CDH12: variants seen among roughly 807,000 people sequenced by gnomAD.
CDH12 encodes the protein cadherin-12.
A neutral mutation model predicts 74.1 loss-of-function variants in CDH12; 41 were observed. The observed-to-expected ratio is 0.55, with a 90% CI of 0.43 to 0.72. The LOEUF is 0.72. Among genes scored for constraint, CDH12 ranks in the 30% least tolerant of loss-of-function variants. The pLI, the probability that CDH12 is intolerant of heterozygous loss-of-function variation, is 0.00. For synonymous variants in CDH12, 399 were observed against 355.0 expected, an observed-to-expected ratio of 1.12 and a Z score of -1.39; for missense variants, 945 against 977.2, an observed-to-expected ratio of 0.97 and a Z score of 0.44.
intron 2 of CDH12, among the ~76,000 whole-genome samples, chr5:22,499,622 A>T (rs1747252697): frequency 6.6e-6 from 1 of 152,204 alleles, no homozygotes; most frequent in Non-Finnish European, 1.5e-5. Context: ...GCAGAAAAAG[A>T]TATTTGAACT....
chr5:22,833,378 CACCTGTTTTGTG>C (rs1736700853), intron 1 of CDH12, among the ~76,000 whole-genome samples: 1 of 152,148 alleles, frequency 6.6e-6, no homozygotes, highest in Admixed American at 6.5e-5. Flanking sequence ...GCCTTACAGC[CACCTGTTTTGTG>C]AAATCACCAA....
At chr5:22,408,927 T>G (rs141239548) in intron 2 of CDH12, among the ~76,000 whole-genome samples, 78 of 152,114 alleles carry the variant, frequency 5.1e-4, no homozygotes, top group Non-Finnish European at 1.1e-3. Context: ...TCTGAATATT[T>G]CCTATCAGTA....
intron 1 of CDH12, among the ~76,000 whole-genome samples, chr5:22,684,441 T>G (rs540789901): frequency 1.4e-3 from 215 of 152,288 alleles, no homozygotes; most frequent in Middle Eastern, 0.01. Context: ...AAAGAAATAT[T>G]TGTGAGTTAA....
intron 4 of CDH12, among the ~76,000 whole-genome samples, chr5:22,081,416 TTG>T (rs539344563): frequency 1.0e-3 from 156 of 152,312 alleles, no homozygotes; most frequent in African/African-American, 3.5e-3. Flanking sequence ...CTTAAATTTT[TTG>T]TTTCTTCCAT....
intron 1 of CDH12, among the ~76,000 whole-genome samples, chr5:22,838,651 C>CTG (rs369033220): frequency 0.24 from 34,527 of 143,524 alleles, 3,960 homozygotes; most frequent in Non-Finnish European, 0.25. Flanking sequence ...GTGAGAGTGT[C>CTG]TGTGTGTGTG....
intron 6 of CDH12, chr5:21,884,359 C>A (rs1245521954): frequency 1.0e-6 from 1 of 989,436 alleles, no homozygotes; most frequent in Admixed American, 1.7e-5. Flanking sequence ...TGACAGGAAG[C>A]CCAAGGCAGT....
At chr5:22,720,830 G>A (rs1308063857) in intron 1 of CDH12, among the ~76,000 whole-genome samples, 1 of 152,220 alleles carries the variant, frequency 6.6e-6, no homozygotes, top group Non-Finnish European at 1.5e-5. Flanking sequence ...AAAGAGACTG[G>A]TGGCATTTTG....
chr5:21,870,337 T>A (rs775793927), intron 6 of CDH12, among the ~76,000 whole-genome samples: 3 of 152,158 alleles, frequency 2.0e-5, no homozygotes, highest in Non-Finnish European at 4.4e-5. Context: ...GTCAGTGGAC[T>A]GAGTGAGGAA....
intron 1 of CDH12, among the ~76,000 whole-genome samples, chr5:22,607,784 G>T (rs1349203398): frequency 1.3e-5 from 2 of 152,234 alleles, no homozygotes; most frequent in African/African-American, 4.8e-5. Context: ...ATGGCTCAAA[G>T]AGGCCAACGT....
chr5:22,534,478 A>G (rs1343522682), intron 1 of CDH12, among the ~76,000 whole-genome samples: 1 of 152,082 alleles, frequency 6.6e-6, no homozygotes, highest in East Asian at 1.9e-4. Flanking sequence ...GAGTTTCTTC[A>G]CTTTGAATAA....
chr5:22,038,903 C>T (rs945862272), intron 5 of CDH12, among the ~76,000 whole-genome samples: 2 of 152,164 alleles, frequency 1.3e-5, no homozygotes, highest in African/African-American at 4.8e-5. Flanking sequence ...CCAAATGGTG[C>T]TAGTACTCTG....
intron 1 of CDH12, among the ~76,000 whole-genome samples, chr5:22,828,393 G>A (rs1293705629): frequency 3.3e-5 from 5 of 152,038 alleles, no homozygotes. Context: ...AATTTGATAG[G>A]CATTACTTTA....
intron 2 of CDH12, among the ~76,000 whole-genome samples, chr5:22,423,227 A>G (rs891117320): frequency 1.4e-5 from 2 of 147,942 alleles, no homozygotes; most frequent in African/African-American, 4.9e-5. Flanking sequence ...AAAAAAAGCA[A>G]ATAATACCCT....
intron 2 of CDH12, among the ~76,000 whole-genome samples, chr5:22,459,043 T>C (rs1157402813): frequency 6.6e-6 from 1 of 152,134 alleles, no homozygotes; most frequent in Non-Finnish European, 1.5e-5. Context: ...CTGTACGAGG[T>C]TAAACTGTAC....
At chr5:22,122,555 G>GTACAA (rs746597433) in intron 4 of CDH12, among the ~76,000 whole-genome samples, 13 of 151,736 alleles carry the variant, frequency 8.6e-5, no homozygotes, top group Non-Finnish European at 1.8e-4. Context: ...TTTCCTCGTA[G>GTACAA]TACACAGTGT....
At chr5:22,415,723 T>C (rs1401022629) in intron 2 of CDH12, among the ~76,000 whole-genome samples, 2 of 152,190 alleles carry the variant, frequency 1.3e-5, no homozygotes, top group Non-Finnish European at 2.9e-5. Context: ...AATTAAAAGA[T>C]ACACAAATGT....
chr5:22,527,424 A>C (rs557830437), intron 1 of CDH12, among the ~76,000 whole-genome samples: 8 of 152,280 alleles, frequency 5.3e-5, no homozygotes, highest in African/African-American at 1.9e-4. Context: ...TCAAGGAAGA[A>C]TTTAATAAGC....
chr5:21,842,518 G>A (rs912318520), intron 7 of CDH12, among the ~76,000 whole-genome samples, 190 bp from the exon 8 acceptor site: 1 of 152,076 alleles, frequency 6.6e-6, no homozygotes, highest in African/African-American at 2.4e-5. Context: ...AAATATTATA[G>A]TAGCTACACA....
chr5:21,824,931 A>G (rs541391814), intron 8 of CDH12, among the ~76,000 whole-genome samples: 2 of 152,156 alleles, frequency 1.3e-5, no homozygotes, highest in South Asian at 2.1e-4. Flanking sequence ...AGAGGGGCCG[A>G]TCACCTGAGC....
Sources: gnomAD v4.1 joint callset for allele counts (sites outside exome capture counted in the v4.1 genomes callset) on GRCh38, gnomAD v4.1.1 for gene constraint, MANE v1.5 for transcripts, NCBI Gene and HGNC (gene_info 2026-07-23, HGNC 2026-07-21) for gene names.